The following GLI2 variants were observed in gnomAD, a reference collection of about 807,000 sequenced individuals.
GLI2 encodes the protein transcription activator GLI2.
GLI2 carries 22 observed loss-of-function variants against 78.9 expected under a neutral mutation model. The observed-to-expected ratio is 0.28, with a 90% CI of 0.20 to 0.40. The LOEUF (loss-of-function observed/expected upper bound fraction) is 0.40. Among genes scored for constraint, GLI2 ranks in the 10% least tolerant of loss-of-function variants. GLI2 has a pLI of 1.00. For missense variants in GLI2, 2,097 were observed against 2,213.2 expected (o/e 0.95, Z 1.05); for synonymous variants, 974 against 963.7 (o/e 1.01, Z -0.20).
intron 1 of GLI2, among the ~76,000 whole-genome samples, chr2:120,793,352 T>G (rs950502625): frequency 3.3e-5 from 5 of 152,192 alleles, no homozygotes; most frequent in African/African-American, 1.2e-4. Context: ...TGACTCCCAG[T>G]CCCTCTTTTT....
rs769187665 is a variant in GLI2 at position 120,971,991 on chromosome 2, C to T, written c.1110C>T (p.Ala370=). 4 of 1,613,632 alleles carry T rather than the reference C, an allele frequency of 2.5e-6. No homozygotes were observed. The highest frequency in any genetic ancestry group is 2.5e-6 in the Non-Finnish European group (3 of 1,179,872). The change falls in exon 8 of 14, where the codon GCC becomes GCT. Residue 370 remains alanine, a synonymous_variant. Coordinates refer to ENST00000361492, the MANE Select transcript of GLI2 (RefSeq NM_001374353.1). ...SAVSSTVNPV[A]IHKRSKVKTE... is the part of the protein sequence containing the mutation. Reference sequence around the variant, plus strand: ...TCAGCAGCACCGTCAACCCTGTCGCCATTCACAAGCGCAGCAAGGTCAAGA... The same window carrying T: ...TCAGCAGCACCGTCAACCCTGTCGCTATTCACAAGCGCAGCAAGGTCAAGA...
rs1484795918 is a variant in GLI2 at position 120,737,146 on chromosome 2, C to A, written c.-31+861C>A. Among the ~76,000 whole-genome samples, 1 of 152,088 alleles carries A rather than the reference C, an allele frequency of 6.6e-6. No individual in the cohort carries two copies. The highest frequency in any genetic ancestry group is 1.5e-5 in the Non-Finnish European group (1 of 68,024). The stretch of plus-strand genomic sequence containing the variant: ...GGCGCGGAGAGAGTTGGGCGCCAAT[C>A]CTATTAAGGGTTTAGAGAGGGGAGT... On this transcript the variant is annotated intron_variant, in intron 1 of 13. Coordinates refer to ENST00000361492, the MANE Select transcript of GLI2 (RefSeq NM_001374353.1). The surrounding 1 kb of genome is among the most constrained non-coding windows in gnomAD (Gnocchi z 4.3).
chr2:120,787,159 G>A (rs1684020104), intron 1 of GLI2, among the ~76,000 whole-genome samples: 1 of 152,210 alleles, frequency 6.6e-6, no homozygotes, highest in East Asian at 1.9e-4. Flanking sequence ...CTCTGAGGGG[G>A]TGTCATAGTG....
At chr2:120,902,762 G>A (rs1678330909) in intron 2 of GLI2, among the ~76,000 whole-genome samples, 1 of 152,224 alleles carries the variant, frequency 6.6e-6, no homozygotes, top group Non-Finnish European at 1.5e-5. Flanking sequence ...TATTTTATTA[G>A]AGGTTGGAGT....
At chr2:120,887,348 A>T (rs2104736669) in intron 2 of GLI2, among the ~76,000 whole-genome samples, 1 of 152,312 alleles carries the variant, frequency 6.6e-6, no homozygotes, top group East Asian at 1.9e-4. Context: ...ACCAAATTAG[A>T]TCAATTCCAG....
intron 2 of GLI2, among the ~76,000 whole-genome samples, chr2:120,920,169 G>T (rs1351851004): frequency 1.3e-5 from 2 of 152,250 alleles, no homozygotes; most frequent in Non-Finnish European, 2.9e-5. Flanking sequence ...CCAGAGGGCT[G>T]GGGCATCCCC....
rs72835582 is a variant in GLI2, at chr2:120,859,350, C to T, written c.148+61882C>T. ...ATGTCATTGGAGCTTAAGGGTGGCCCCTTCCCCTCTTGAAGGAAGGGCTGT... is the reference window on the plus strand; with the variant it reads ...ATGTCATTGGAGCTTAAGGGTGGCCTCTTCCCCTCTTGAAGGAAGGGCTGT... On this transcript the variant is annotated intron_variant, in intron 2 of 13. Coordinates refer to ENST00000361492, the MANE Select transcript of GLI2 (RefSeq NM_001374353.1). 5.6e-3 allele frequency among the ~76,000 whole-genome samples: 846 copies of T among 152,262 alleles called. 5 individuals are homozygous for T. Among genetic ancestry groups the T allele is most frequent in the Non-Finnish European group, 7.7e-3 (525 of 68,024 alleles).
intron 2 of GLI2, among the ~76,000 whole-genome samples, chr2:120,894,029 C>G (rs144470936): frequency 6.6e-6 from 1 of 152,326 alleles, no homozygotes; most frequent in East Asian, 1.9e-4. Flanking sequence ...CTTCCCAGCC[C>G]GCTGCATGTT....
At chr2:120,813,560 C>T (rs910387576) in intron 2 of GLI2, among the ~76,000 whole-genome samples, 6 of 152,192 alleles carry the variant, frequency 3.9e-5, no homozygotes, top group Admixed American at 1.3e-4. Context: ...CGTGACTGCC[C>T]GGGGCGATGG....
intron 2 of GLI2, among the ~76,000 whole-genome samples, chr2:120,922,339 G>A (rs556691889): frequency 2.0e-5 from 3 of 152,250 alleles, no homozygotes; most frequent in East Asian, 1.9e-4. Context: ...CAACTTGGCC[G>A]ACTAGCTGGC....
rs1683122916 is a variant in GLI2 at position 120,988,861 on chromosome 2, C to T, written c.2896C>T (p.Arg966Trp). The T allele has an allele frequency of 2.7e-6, 4 of 1,494,082 alleles. No homozygotes were observed. Among genetic ancestry groups the T allele is most frequent in the Non-Finnish European group, 3.6e-6 (4 of 1,124,142 alleles). 92.6% of individuals were successfully genotyped at this position (1,494,082 alleles called of 1,614,324 possible). A position where few individuals can be genotyped will look rare whatever the true frequency, so the allele number is the denominator to read the frequency against. ...GCGGCCCGATGCCCTGTCCCTGCCG[C>T]GGGTGCAGCGCTTCCACAGCACCCA... is the stretch of plus-strand genomic sequence containing the variant. ...VRRPDALSLP[R>W]VQRFHSTHNV... Residue 966 changes from arginine (R) to tryptophan (W), a missense_variant, in exon 14 of 14, where the codon CGG becomes TGG. Transcript: ENST00000361492.
chr2:120,848,207 C>T (rs534416102), intron 2 of GLI2, among the ~76,000 whole-genome samples: 116 of 152,228 alleles, frequency 7.6e-4, no homozygotes, highest in Non-Finnish European at 1.4e-3. Context: ...GGGCCTGACT[C>T]CGCCGCCTGG....
chr2:120,984,428 C>T (rs1247076124), intron 11 of GLI2, 43 bp from the exon 12 acceptor site: 1 of 1,607,196 alleles, frequency 6.2e-7, no homozygotes, highest in East Asian at 2.2e-5. Context: ...CAGAGTTGAT[C>T]CTCGTACCCC....
At chr2:120,893,189 C>T (rs1229108861) in intron 2 of GLI2, among the ~76,000 whole-genome samples, 1 of 152,230 alleles carries the variant, frequency 6.6e-6, no homozygotes, top group Admixed American at 6.5e-5. Context: ...ATAGCTGGGG[C>T]TTCTATTTCT....
chr2:120,977,681 C>T (rs761727942), intron 9 of GLI2, among the ~76,000 whole-genome samples: 4 of 152,204 alleles, frequency 2.6e-5, no homozygotes, highest in Non-Finnish European at 5.9e-5. Context: ...CCGAGATACG[C>T]GGCAGGGTTA....
At position 120,951,496 on chromosome 2, in the gene GLI2, C is replaced by T. The variant is rs374259591; in HGVS notation, c.457+51C>T. 2.7e-4 allele frequency: 316 copies of T among 1,187,856 alleles called. 1 individual carries two copies. In the African/African-American group the frequency reaches 4.0e-3, roughly 15 times the overall value. 73.6% of individuals were successfully genotyped at this position (1,187,856 alleles called of 1,614,324 possible). A position where few individuals can be genotyped will look rare whatever the true frequency, so the allele number is the denominator to read the frequency against. On this transcript the variant is annotated intron_variant, in intron 4 of 13. Coordinates refer to ENST00000361492, the MANE Select transcript of GLI2 (RefSeq NM_001374353.1). ...GGGCAGCTAGGGCACTGGGGCAGGGCGCAGCCAGCCTCTCTCACGCTAACA... is the reference window on the plus strand; with the variant it reads ...GGGCAGCTAGGGCACTGGGGCAGGGTGCAGCCAGCCTCTCTCACGCTAACA...
At chr2:120,810,360 G>T (rs572210356) in intron 2 of GLI2, among the ~76,000 whole-genome samples, 1 of 152,234 alleles carries the variant, frequency 6.6e-6, no homozygotes, top group African/African-American at 2.4e-5. Context: ...TATAGCCCTC[G>T]GAAGTGGCAG....
At position 120,988,891 on chromosome 2, in the gene GLI2, G is replaced by C; in HGVS notation, c.2926G>C (p.Val976Leu). The C allele has an allele frequency of 1.3e-6, 2 of 1,506,346 alleles. No homozygotes were observed. The highest frequency in any genetic ancestry group is 2.0e-5 in the Admixed American group (1 of 49,666). The allele number at this position is 1,506,346 out of a possible 1,614,324, so 93.3% of individuals were successfully genotyped here. A position where few individuals can be genotyped will look rare whatever the true frequency, so the allele number is the denominator to read the frequency against. The change falls in exon 14 of 14, where the codon GTG becomes CTG. Residue 976 changes from valine (V) to leucine (L), a missense_variant. By Grantham distance (32) the Val-to-Leu change is conservative. Coordinates refer to ENST00000361492, the MANE Select transcript of GLI2 (RefSeq NM_001374353.1). Reference protein sequence around the residue: ...RVQRFHSTHNVNPGPLPPCAD... With the variant: ...RVQRFHSTHNLNPGPLPPCAD... ...GCAGCGCTTCCACAGCACCCACAAC[G>C]TGAACCCCGGCCCGCTGCCGCCCTG...
chr2:120,738,965 C>A (rs1682448065), intron 1 of GLI2, among the ~76,000 whole-genome samples: 1 of 152,110 alleles, frequency 6.6e-6, no homozygotes, highest in Non-Finnish European at 1.5e-5. Flanking sequence ...CAGGGATGCT[C>A]TGGTCCACTG....
Sources: allele counts gnomAD v4.1 joint callset (sites outside exome capture counted in the v4.1 genomes callset), GRCh38; gene constraint gnomAD v4.1.1; non-coding constraint Gnocchi (gnomAD v3.1); transcripts MANE v1.5; gene names NCBI Gene and HGNC (gene_info 2026-07-23, HGNC 2026-07-21).